Variants in HPSE observed in about 807,000 individuals in gnomAD.
The protein encoded by HPSE is heparanase.
HPSE carries 48 observed loss-of-function variants against 65.1 expected under a neutral mutation model. The ratio of observed to expected loss-of-function variants is 0.74; its 90% CI spans 0.58 to 0.94. The LOEUF (loss-of-function observed/expected upper bound fraction) is 0.94. Among genes scored for constraint, HPSE ranks in the 40% least tolerant of loss-of-function variants. The pLI, the probability that HPSE is intolerant of heterozygous loss-of-function variation, is 0.00. For missense variants in HPSE, 644 were observed against 637.5 expected (o/e 1.01, Z -0.11); for synonymous variants, 243 against 260.0 (o/e 0.93, Z 0.63).
At chr4:83,295,589 C>A in intron 11 of HPSE, 86 bp from the exon 12 acceptor site, 3 of 1,183,476 alleles carry the variant, frequency 2.5e-6, no homozygotes, top group Non-Finnish European at 2.3e-6. Flanking sequence ...CTTTTTTAGA[C>A]CAAATAAATT....
rs770997326 is a variant in HPSE, at chr4:83,295,452, C to G, written c.1524G>C (p.Leu508Phe). 6.2e-7 allele frequency: 1 copy of G among 1,612,796 alleles called. No homozygotes were observed. Among genetic ancestry groups the G allele is most frequent in the South Asian group, 1.1e-5 (1 of 90,908 alleles). Residue 508 changes from leucine to phenylalanine, a missense_variant, in exon 12 of 12, where the codon TTG becomes TTC. Leu to Phe is a conservative substitution (Grantham distance 22). Transcript: ENST00000311412. ...GGAGAGGTTTTTCCATTAAAGGTGG[C>G]AAGGTTTGATCATCCACCATCTTTA... ...LTLKMVDDQTLPPLMEKPLRP... is the reference protein window; with the variant it reads ...LTLKMVDDQTFPPLMEKPLRP...
intron 3 of HPSE, among the ~76,000 whole-genome samples, chr4:83,314,289 A>C (rs1015703771): frequency 7.9e-5 from 12 of 151,946 alleles, no homozygotes; most frequent in Non-Finnish European, 1.6e-4. Context: ...AACAAAAAAA[A>C]AAGTAAAGAA....
At chr4:83,302,341 G>T in intron 9 of HPSE, 73 bp from the exon 10 acceptor site, 4 of 889,094 alleles carry the variant, frequency 4.5e-6, no homozygotes, top group Non-Finnish European at 7.4e-6. Flanking sequence ...GAAACCAGTG[G>T]CAAGCAAATA....
At chr4:83,311,320 T>G (rs1406414896) in intron 4 of HPSE, among the ~76,000 whole-genome samples, 1 of 151,138 alleles carries the variant, frequency 6.6e-6, no homozygotes, top group Non-Finnish European at 1.5e-5. Context: ...ATAAAATAAA[T>G]AAGTAAAGTA....
Position 83,308,885 on chromosome 4 carries a change from C to T in HPSE, c.1051G>A (p.Gly351Arg), listed in dbSNP as rs769081542. The change falls in exon 8 of 12, where the codon GGA (glycine) becomes AGA (arginine). Residue 351 changes from glycine to arginine, a missense_variant. Transcript: ENST00000311412. ...AAGGTGTCGGATAGCAAGGGCGCTC[C>T]GCCTCCATATGCAGAGCTTGTTTCT... ...LGETSSAYGG[G>R]APLLSDTFAA... The T allele has an allele frequency of 5.1e-5, 83 of 1,613,996 alleles. No individual in the cohort carries two copies. The highest frequency in any genetic ancestry group is 1.6e-4 in the Middle Eastern group (1 of 6,076).
intron 8 of HPSE, among the ~76,000 whole-genome samples, chr4:83,306,969 C>T (rs1295112869): frequency 5.3e-5 from 8 of 152,094 alleles, no homozygotes; most frequent in South Asian, 2.1e-4. Context: ...CCACCCAGAC[C>T]GGTAATCTGG....
At chr4:83,319,635 T>G (rs1202156108) in intron 2 of HPSE, among the ~76,000 whole-genome samples, 166 bp from the exon 3 acceptor site, 3 of 152,154 alleles carry the variant, frequency 2.0e-5, no homozygotes, top group African/African-American at 7.2e-5. Flanking sequence ...CATGTCAAAT[T>G]TGCCGGCTCA....
intron 3 of HPSE, among the ~76,000 whole-genome samples, chr4:83,315,724 A>G (rs1400360826): frequency 6.6e-6 from 1 of 152,196 alleles, no homozygotes; most frequent in Non-Finnish European, 1.5e-5. Flanking sequence ...GCACCATCAC[A>G]TGCCTTCGCC....
In HPSE at chr4:83,306,324, C is replaced by T; in HGVS notation, c.1092-7G>A. 6.6e-7 allele frequency: 1 copy of T among 1,509,000 alleles called. No individual in the cohort carries two copies. The allele number at this position is 1,509,000 out of a possible 1,614,324, so 93.5% of individuals were successfully genotyped here. A position where few individuals can be genotyped will look rare whatever the true frequency, so the allele number is the denominator to read the frequency against. On this transcript the variant is annotated splice_polypyrimidine_tract_variant and splice_region_variant and intron_variant, in intron 8 of 11. Coordinates refer to ENST00000311412, the MANE Select transcript of HPSE (RefSeq NM_001098540.3). ...GCCCAATTTATCCAGCCACCTGGGA[C>T]AGAGCAAGACCAAGCTTTCTTGAGG...
chr4:83,312,841 C>CA (rs1200808673), intron 4 of HPSE, among the ~76,000 whole-genome samples: 5,535 of 10,988 alleles, frequency 0.5, 1,939 homozygotes, highest in Non-Finnish European at 0.56. Flanking sequence ...ACTAAAAATG[C>CA]AAAAAAAAAA....
At chr4:83,319,745 A>G (rs953958908) in intron 2 of HPSE, among the ~76,000 whole-genome samples, 1 of 152,188 alleles carries the variant, frequency 6.6e-6, no homozygotes, top group African/African-American at 2.4e-5. Flanking sequence ...GTTATTTAAC[A>G]ATTCAAAGGG....
rs558411392 is a variant in HPSE, at chr4:83,332,414, G to C, written c.227+2142C>G. The stretch of plus-strand genomic sequence containing the variant: ...TGCTTGTCGATGCGTCTGGGGAGCA[G>C]GTATGGCAGATGGCCTCTCCAAGCG... On this transcript the variant is annotated intron_variant, in intron 1 of 11. Transcript: ENST00000311412. Among the ~76,000 whole-genome samples the C allele has an allele frequency of 3.7e-4, 57 of 152,340 alleles. No homozygotes were observed. The East Asian group carries it at 0.01, about 28-fold the overall frequency.
At chr4:83,331,692 A>G (rs1407155427) in intron 1 of HPSE, among the ~76,000 whole-genome samples, 1 of 152,226 alleles carries the variant, frequency 6.6e-6, no homozygotes, top group African/African-American at 2.4e-5. Context: ...CATGGAGACT[A>G]GAACCACGCC....
chr4:83,334,659 C>T lies in HPSE; in HGVS notation c.124G>A (p.Asp42Asn), dbSNP rs1737542757. 14 of 1,581,304 alleles carry T rather than the reference C, an allele frequency of 8.9e-6. No individual in the cohort carries two copies. The highest frequency in any genetic ancestry group is 1.0e-5 in the Non-Finnish European group (12 of 1,163,684). ...TGCAGCGGCTCCTGGGTGAAGAAGTCCAGGTCCACGACGTCCTGTGCTTGC... is the reference window on the plus strand; with the variant it reads ...TGCAGCGGCTCCTGGGTGAAGAAGTTCAGGTCCACGACGTCCTGTGCTTGC... ...PAQAQDVVDLDFFTQEPLHLV... is the reference protein window; with the variant it reads ...PAQAQDVVDLNFFTQEPLHLV... Residue 42 changes from aspartate to asparagine, a missense_variant, in exon 1 of 12, where the codon GAC becomes AAC. Coordinates refer to ENST00000311412, the MANE Select transcript of HPSE (RefSeq NM_001098540.3).
chr4:83,334,717 A>C lies in HPSE; in HGVS notation c.66T>G (p.Gly22=), dbSNP rs369170099. 5.0e-5 allele frequency: 78 copies of C among 1,564,818 alleles called. No homozygotes were observed. Among genetic ancestry groups the C allele is most frequent in the Non-Finnish European group, 8.7e-7 (1 of 1,154,612 alleles). ...PLMLLLLGPL[G]PLSPGALPRP... ...GGGGCAGGGCGCCAGGGGAGAGGGG[A>C]CCCAGCGGCCCCAGGAGCAGCAGCA... The change falls in exon 1 of 12, where the codon GGT becomes GGG. Residue 22 remains glycine, a synonymous_variant. Transcript: ENST00000311412.
chr4:83,316,035 C>CTT (rs200830278), intron 3 of HPSE, among the ~76,000 whole-genome samples: 1 of 150,724 alleles, frequency 6.6e-6, no homozygotes, highest in African/African-American at 2.4e-5. Flanking sequence ...TTTCTTTTCT[C>CTT]TTTTTTTTTG....
chr4:83,309,552 A>T (rs764330283), intron 6 of HPSE, 57 bp from the exon 7 acceptor site: 82 of 961,776 alleles, frequency 8.5e-5, no homozygotes, highest in Non-Finnish European at 1.1e-4. Context: ...TTCTGCTTTT[A>T]GGTTAATTGC....
chr4:83,296,727 T>G (rs965126264), intron 11 of HPSE, among the ~76,000 whole-genome samples: 10 of 151,040 alleles, frequency 6.6e-5, no homozygotes, highest in Non-Finnish European at 1.3e-4. Flanking sequence ...ACTGTCAGAG[T>G]TATATTTATA....
chr4:83,293,857 A>G lies in HPSE; in HGVS notation c.*1487T>C, dbSNP rs1735631851. On this transcript the variant is annotated 3_prime_UTR_variant, in exon 12 of 12. Transcript: ENST00000311412. ...AATCTAGCTGTCTTTTAAGGTGCAA[A>G]TAGATAGTTTCTCTTTTACAACCAG... 1 of 152,214 alleles carries G rather than the reference A, an allele frequency of 6.6e-6. No individual in the cohort carries two copies. The highest frequency in any genetic ancestry group is 2.1e-4 in the South Asian group (1 of 4,824). The allele number at this position is 152,214 out of a possible 1,614,324, so 9.4% of individuals were successfully genotyped here. A position where few individuals can be genotyped will look rare whatever the true frequency, so the allele number is the denominator to read the frequency against.
Sources: gnomAD v4.1 joint callset for allele counts (sites outside exome capture counted in the v4.1 genomes callset) on GRCh38, gnomAD v4.1.1 for gene constraint, MANE v1.5 for transcripts, NCBI Gene and HGNC (gene_info 2026-07-23, HGNC 2026-07-21) for gene names.